The following SYBU variants were observed in gnomAD, a reference collection of about 807,000 sequenced individuals.
SYBU encodes the protein syntabulin.
SYBU carries 21 observed loss-of-function variants against 35.9 expected under a neutral mutation model. That is an observed-to-expected ratio of 0.58 (90% confidence interval 0.41 to 0.84). The LOEUF (loss-of-function observed/expected upper bound fraction) is 0.84, where lower values mean the gene tolerates loss of function less well. SYBU is among the 40% of genes least tolerant of loss of function. SYBU has a pLI of 0.00. For synonymous variants in SYBU, 319 were observed against 324.3 expected (o/e 0.98, Z 0.18); for missense variants, 768 against 848.2 (o/e 0.91, Z 1.17).
chr8:109,669,876 G>C (rs78569083), intron 1 of SYBU, among the ~76,000 whole-genome samples: 4,171 of 152,248 alleles, frequency 0.027, 182 homozygotes, highest in African/African-American at 0.096. Context: ...GTGAGCAATC[G>C]AGGCACTTTA....
At chr8:109,607,980 G>A (rs1421734999) in intron 3 of SYBU, 2 of 1,534,242 alleles carry the variant, frequency 1.3e-6, no homozygotes, top group East Asian at 2.4e-5. Flanking sequence ...GCACAGGCTG[G>A]GGTATGTCTT....
At chr8:109,652,754 C>T (rs974640470) in intron 1 of SYBU, among the ~76,000 whole-genome samples, 12 of 152,062 alleles carry the variant, frequency 7.9e-5, no homozygotes, top group East Asian at 1.9e-4. Context: ...TACGGCTATA[C>T]GAAACTGGAT....
At chr8:109,607,049 C>T (rs56068623) in intron 3 of SYBU, among the ~76,000 whole-genome samples, 16,097 of 152,066 alleles carry the variant, frequency 0.11, 1,024 homozygotes, top group South Asian at 0.23. Flanking sequence ...TTAAAGTTAC[C>T]GAACTAAAGT....
chr8:109,626,943 T>C (rs1010439820), intron 2 of SYBU, among the ~76,000 whole-genome samples: 3 of 152,256 alleles, frequency 2.0e-5, no homozygotes, highest in African/African-American at 7.2e-5. Flanking sequence ...AATAAAATAT[T>C]TCTTCAAAGT....
At chr8:109,681,269 G>C (rs577265399), upstream of SYBU, among the ~76,000 whole-genome samples, 14 of 152,242 alleles carry the variant, frequency 9.2e-5, no homozygotes, top group South Asian at 2.9e-3. Context: ...AAAGCAGTTA[G>C]TATAAAAGGA....
At chr8:109,660,851 G>T (rs1157896183) in intron 1 of SYBU, among the ~76,000 whole-genome samples, 1 of 152,094 alleles carries the variant, frequency 6.6e-6, no homozygotes, top group Non-Finnish European at 1.5e-5. Context: ...AGTGGAGCTG[G>T]AAAATACATG....
chr8:109,619,075 G>T, intron 2 of SYBU, 36 bp from the exon 3 acceptor site: 1 of 1,538,266 alleles, frequency 6.5e-7, no homozygotes, highest in Non-Finnish European at 9.0e-7. Flanking sequence ...TTAATGATGA[G>T]GAGGAAATCA....
At position 109,618,607 on chromosome 8, in the gene SYBU, A is replaced by T. The variant is rs187180154; in HGVS notation, c.427+235T>A. On this transcript the variant is annotated intron_variant, in intron 3 of 6. Coordinates refer to ENST00000276646, the MANE Select transcript of SYBU (RefSeq NM_001099754.2). ...TTCTTCACTTTTGTCTCTTTTTTAA[A>T]AAAAGCTCTTTATAATGAATACACA... Among the ~76,000 whole-genome samples the T allele has an allele frequency of 1.2e-4, 18 of 152,340 alleles. No homozygotes were observed. The East Asian group carries it at 3.3e-3, about 28-fold the overall frequency.
At chr8:109,595,946 T>C (rs1278479988) in intron 3 of SYBU, among the ~76,000 whole-genome samples, 1 of 152,218 alleles carries the variant, frequency 6.6e-6, no homozygotes, top group Admixed American at 6.5e-5. Flanking sequence ...TGCAAACATA[T>C]TACCTTACTC....
intron 3 of SYBU, among the ~76,000 whole-genome samples, chr8:109,590,173 G>A (rs1020351807): frequency 6.6e-6 from 1 of 152,256 alleles, no homozygotes; most frequent in East Asian, 1.9e-4. Context: ...ACGGACACAC[G>A]CAATTATAGA....
chr8:109,579,805 A>G lies in SYBU; in HGVS notation c.728T>C (p.Ile243Thr), dbSNP rs1031202224. 5 of 1,613,964 alleles carry G rather than the reference A, an allele frequency of 3.1e-6. No individual in the cohort carries two copies. Among genetic ancestry groups the G allele is most frequent in the Admixed American group, 3.3e-5 (2 of 60,016 alleles). The stretch of plus-strand genomic sequence containing the variant: ...TTAGGTGAGCAGGACTCACCTCATG[A>G]TGGGGCTACAGTCGCTTCCTTTGTA... ...GSYKGSDCSP[I>T]MRRSGRYMSC... The change falls in exon 5 of 7, where the codon ATC (isoleucine) becomes ACC (threonine). Residue 243 changes from isoleucine (I) to threonine (T), a missense_variant. By Grantham distance (89) the Ile-to-Thr change is moderately conservative. Coordinates refer to ENST00000276646, the MANE Select transcript of SYBU (RefSeq NM_001099754.2).
chr8:109,635,962 A>G (rs1176117531), intron 2 of SYBU, among the ~76,000 whole-genome samples: 1 of 152,220 alleles, frequency 6.6e-6, no homozygotes, highest in Non-Finnish European at 1.5e-5. Flanking sequence ...TAAAAGCTGA[A>G]TTTTTAAAAT....
At chr8:109,622,788 A>C (rs1423466348) in intron 2 of SYBU, among the ~76,000 whole-genome samples, 1 of 152,226 alleles carries the variant, frequency 6.6e-6, no homozygotes, top group Non-Finnish European at 1.5e-5. Context: ...AGAAATTATC[A>C]ATGACAAAGA....
upstream of SYBU, chr8:109,648,175 G>A (rs951854770): frequency 2.7e-5 from 4 of 149,496 alleles, no homozygotes; most frequent in Admixed American, 2.7e-4. Flanking sequence ...AAAAATTAAT[G>A]TATTTCTGGC....
intron 2 of SYBU, among the ~76,000 whole-genome samples, chr8:109,641,178 T>A (rs1296938587): frequency 6.6e-6 from 1 of 152,232 alleles, no homozygotes; most frequent in African/African-American, 2.4e-5. Flanking sequence ...TCCTTCTAAG[T>A]CATGTGCTTC....
chr8:109,616,810 A>C (rs906644409), intron 3 of SYBU, among the ~76,000 whole-genome samples: 8 of 151,666 alleles, frequency 5.3e-5, no homozygotes, highest in Non-Finnish European at 7.4e-5. Context: ...CTGAGTCTCT[A>C]ATGTGCACTA....
rs181477751 is a variant in SYBU at position 109,592,311 on chromosome 8, T to G, written c.428-6149A>C. Among the ~76,000 whole-genome samples, 725 of 152,324 alleles carry G rather than the reference T, an allele frequency of 4.8e-3. 4 individuals are homozygous for G. The highest frequency in any genetic ancestry group is 7.7e-3 in the Non-Finnish European group (527 of 68,028). On this transcript the variant is annotated intron_variant, in intron 3 of 6. Transcript: ENST00000276646. ...CATGTTTCTGTTTTTTAATTCTCTT[T>G]CTGTGTGTGTGTGTGTACAATAAGA...
At chr8:109,580,203 C>T (rs1239999573) in intron 4 of SYBU, 1 of 570,214 alleles carries the variant, frequency 1.8e-6, no homozygotes, top group Non-Finnish European at 3.1e-6. Context: ...CACAAGCAAC[C>T]TCTCCCTCTG....
At chr8:109,576,157 C>T (rs1822290785) in intron 6 of SYBU, 144 bp from the exon 7 acceptor site, 7 of 1,083,864 alleles carry the variant, frequency 6.5e-6, no homozygotes, top group Non-Finnish European at 8.8e-6. Flanking sequence ...GATGTGAAAT[C>T]AGTTTTCAAT....
Sources: gnomAD v4.1 joint callset for allele counts (sites outside exome capture counted in the v4.1 genomes callset) on GRCh38, gnomAD v4.1.1 for gene constraint, MANE v1.5 for transcripts, NCBI Gene and HGNC (gene_info 2026-07-23, HGNC 2026-07-21) for gene names.